Variants in AKNA observed in about 807,000 individuals in gnomAD.
AKNA encodes AT-hook transcription factor.
In AKNA, 67 loss-of-function variants were observed where a neutral mutation model predicts 138.8. That is an observed-to-expected ratio of 0.48 (90% confidence interval 0.40 to 0.59). The LOEUF (loss-of-function observed/expected upper bound fraction) is 0.59. AKNA is among the 20% of genes least tolerant of loss of function. The pLI is 0.00. For missense variants in AKNA, 1,813 were observed against 1,880.4 expected, an observed-to-expected ratio of 0.96 and a Z score of 0.66; for synonymous variants, 737 against 754.4, an observed-to-expected ratio of 0.98 and a Z score of 0.38.
At chr9:114,343,653 G>T (rs1588945854) in intron 19 of AKNA, 55 bp downstream of exon 19, 2 of 1,558,912 alleles carry the variant, frequency 1.3e-6, no homozygotes, top group East Asian at 2.2e-5. Context: ...TCCCCTGAGG[G>T]CAAGAAGCTG....
intron 19 of AKNA, 73 bp downstream of exon 19, chr9:114,343,635 G>T: frequency 6.7e-7 from 1 of 1,483,182 alleles, no homozygotes; most frequent in South Asian, 1.1e-5. Flanking sequence ...ATCTTGTCAA[G>T]TACACACTCC....
intron 21 of AKNA, among the ~76,000 whole-genome samples, chr9:114,339,287 C>T (rs1830187396): frequency 6.6e-6 from 1 of 152,150 alleles, no homozygotes; most frequent in African/African-American, 2.4e-5. Context: ...CAGCAGGGGG[C>T]AGCACAGGCC....
Position 114,345,868 on chromosome 9 carries a change from T to C in AKNA, c.3656A>G (p.Tyr1219Cys). The change falls in exon 18 of 22, where the codon TAC becomes TGC. Residue 1219 changes from tyrosine to cysteine, a missense_variant. Tyr to Cys is a radical substitution (Grantham distance 194). Transcript: ENST00000374088. ...GGCCCTCCCTCCTGACCTACCTGTG[T>C]ATTGGCCCCGGAAGGTGACCCTGTC... is the stretch of plus-strand genomic sequence containing the variant. ...WPDRVTFRGQYTGHEYHVLSP... is the reference protein window; with the variant it reads ...WPDRVTFRGQCTGHEYHVLSP... 6.2e-7 allele frequency: 1 copy of C among 1,614,062 alleles called. No individual in the cohort carries two copies. Among genetic ancestry groups the C allele is most frequent in the East Asian group, 2.2e-5 (1 of 44,876 alleles).
At chr9:114,355,428 C>T (rs898581005) in intron 14 of AKNA, among the ~76,000 whole-genome samples, 1 of 151,568 alleles carries the variant, frequency 6.6e-6, no homozygotes, top group Admixed American at 6.6e-5. Context: ...CCACCCGCCT[C>T]GGCCTCCCAA....
At chr9:114,389,755 T>G (rs1834264724), upstream of AKNA, among the ~76,000 whole-genome samples, 1 of 152,232 alleles carries the variant, frequency 6.6e-6, no homozygotes, top group Non-Finnish European at 1.5e-5. Context: ...ACACTGTTTA[T>G]GGCTGATGAA....
chr9:114,365,055 C>T (rs931626460), intron 6 of AKNA, among the ~76,000 whole-genome samples: 8 of 152,112 alleles, frequency 5.3e-5, no homozygotes, highest in East Asian at 3.8e-4. Context: ...GCAATGTTTA[C>T]GGTATGCTAC....
At chr9:114,393,456 A>G (rs913210321) in intron 1 of AKNA, among the ~76,000 whole-genome samples, 2 of 150,438 alleles carry the variant, frequency 1.3e-5, no homozygotes, top group Admixed American at 6.6e-5. Flanking sequence ...CGATCTCCTG[A>G]CCTCGTGATC....
At chr9:114,384,998 C>T (rs1833931315) in intron 1 of AKNA, among the ~76,000 whole-genome samples, 1 of 152,028 alleles carries the variant, frequency 6.6e-6, no homozygotes, top group Non-Finnish European at 1.5e-5. Flanking sequence ...CACAGGTATG[C>T]GCCACCATGC....
Position 114,342,064 on chromosome 9 carries a change from C to A in AKNA, c.3819G>T (p.Leu1273=). 2 of 1,613,762 alleles carry A rather than the reference C, an allele frequency of 1.2e-6. No individual in the cohort carries two copies. Among genetic ancestry groups the A allele is most frequent in the Non-Finnish European group, 1.7e-6 (2 of 1,179,836 alleles). ...PPPADTLQCP[L]CGQVGSPPEA... ...CTGGGGGAGACCCAACTTGACCACA[C>A]AGGGGACACTGAAGGGTATCAGCGG... Residue 1273 remains leucine (L), a synonymous_variant, in exon 20 of 22, where the codon CTG becomes CTT. Coordinates refer to ENST00000374088, the MANE Select transcript of AKNA (RefSeq NM_001317950.2).
chr9:114,370,175 C>G (rs1589001648), intron 4 of AKNA, among the ~76,000 whole-genome samples: 1 of 152,216 alleles, frequency 6.6e-6, no homozygotes, highest in Admixed American at 6.5e-5. Flanking sequence ...AAATCAACTC[C>G]AAGTGTGGCA....
intron 21 of AKNA, among the ~76,000 whole-genome samples, chr9:114,340,290 G>C (rs957943339): frequency 6.6e-5 from 10 of 152,104 alleles, no homozygotes; most frequent in African/African-American, 2.2e-4. Flanking sequence ...AGTCCCAATC[G>C]ACTCATTTCA....
chr9:114,332,033 G>C (rs1588926039), downstream of AKNA: 1 of 944,344 alleles, frequency 1.1e-6, no homozygotes, highest in African/African-American at 1.8e-5. Context: ...GCACAGCTAG[G>C]CAGATCTTCT....
At chr9:114,353,261 GTT>G (rs111256721) in intron 14 of AKNA, among the ~76,000 whole-genome samples, 2 of 147,654 alleles carry the variant, frequency 1.4e-5, no homozygotes, top group Admixed American at 6.7e-5. Flanking sequence ...CTTATTTTTT[GTT>G]TTTTTTTTTT....
Position 114,357,973 on chromosome 9 carries a change from G to C in AKNA, c.2687C>G (p.Ser896Cys). The change falls in exon 12 of 22, where the codon TCT becomes TGT. Residue 896 changes from serine to cysteine, a missense_variant. By Grantham distance (112) the Ser-to-Cys change is moderately radical (BLOSUM62 -1). Coordinates refer to ENST00000374088, the MANE Select transcript of AKNA (RefSeq NM_001317950.2). Reference protein sequence around the residue: ...SMTSLEGSGISERLPQKPLHR... With the variant: ...SMTSLEGSGICERLPQKPLHR... Reference sequence around the variant, plus strand: ...CAAAGGCTTCTGTGGAAGGCGCTCAGAGATGCCGCTTCCCTCCAGGCTGGT... The same window carrying C: ...CAAAGGCTTCTGTGGAAGGCGCTCACAGATGCCGCTTCCCTCCAGGCTGGT... 5.0e-6 allele frequency: 8 copies of C among 1,603,958 alleles called. No homozygotes were observed. Among genetic ancestry groups the C allele is most frequent in the Non-Finnish European group, 6.0e-6 (7 of 1,175,774 alleles).
chr9:114,367,614 T>C lies in AKNA; in HGVS notation c.1657A>G (p.Ile553Val), dbSNP rs145812393. The C allele has an allele frequency of 2.3e-4, 378 of 1,608,798 alleles. 1 individual carries two copies. The African/African-American group carries it at 4.6e-3, about 20-fold the overall frequency. Residue 553 changes from isoleucine to valine, a missense_variant, in exon 6 of 22, where the codon ATC (isoleucine) becomes GTC (valine). By Grantham distance (29) the Ile-to-Val change is conservative. Coordinates refer to ENST00000374088, the MANE Select transcript of AKNA (RefSeq NM_001317950.2). Reference protein sequence around the residue: ...TLGWLPENRDISEDQSSAEQT... With the variant: ...TLGWLPENRDVSEDQSSAEQT... ...TCTGCTGAGGACTGGTCCTCAGAGA[T>C]GTCCCGGTTCTCCGGAAGCCACCCC...
chr9:114,374,042 C>G (rs1324319310), intron 4 of AKNA, 51 bp downstream of exon 4: 3 of 1,535,886 alleles, frequency 2.0e-6, no homozygotes, highest in Non-Finnish European at 2.6e-6. Flanking sequence ...GGAAAAGTGT[C>G]ACCTCCTCGG....
chr9:114,345,611 C>G (rs573760907), intron 18 of AKNA: 2 of 444,094 alleles, frequency 4.5e-6, no homozygotes, highest in South Asian at 5.5e-5. Flanking sequence ...AACAGACTTC[C>G]CAGAACCAAG....
In AKNA at chr9:114,368,579, T is replaced by C. The variant is rs770047823; in HGVS notation, c.1433A>G (p.Asp478Gly). 7.2e-7 allele frequency: 1 copy of C among 1,390,584 alleles called. No individual in the cohort carries two copies. Among genetic ancestry groups the C allele is most frequent in the Non-Finnish European group, 9.4e-7 (1 of 1,066,108 alleles). 86.1% of individuals were successfully genotyped at this position (1,390,584 alleles called of 1,614,324 possible). The change falls in exon 5 of 22, where the codon GAC becomes GGC. Residue 478 changes from aspartate (D) to glycine (G), a missense_variant. Physicochemically the swap from Asp to Gly is moderately conservative, Grantham distance 94 (BLOSUM62 -1). Coordinates refer to ENST00000374088, the MANE Select transcript of AKNA (RefSeq NM_001317950.2). ...GATGCTGTGGTTGGGCTGGGGTGGG[T>C]CAGAGAACAGGTTCACCTGTGGAAG... ...RLGAKVNLFS[D>G]PPQPNHSIHT...
chr9:114,377,972 T>A (rs1833366975), intron 2 of AKNA, among the ~76,000 whole-genome samples: 1 of 152,206 alleles, frequency 6.6e-6, no homozygotes, highest in Admixed American at 6.5e-5. Context: ...CATCCTCTCA[T>A]CTGGCTAACT....
Sources: allele counts gnomAD v4.1 joint callset (sites outside exome capture counted in the v4.1 genomes callset), GRCh38; gene constraint gnomAD v4.1.1; transcripts MANE v1.5; gene names NCBI Gene and HGNC (gene_info 2026-07-23, HGNC 2026-07-21).